Variants in DCDC1 observed in about 807,000 individuals in gnomAD.
The protein encoded by DCDC1 is doublecortin domain containing 1.
Under a neutral mutation model 178.3 loss-of-function variants are expected in DCDC1, and 200 were observed. The observed-to-expected ratio is 1.12, with a 90% CI of 1.00 to 1.26. DCDC1 has a LOEUF of 1.26. Among genes scored for constraint, DCDC1 ranks in the 50% most tolerant of loss-of-function variants. DCDC1 has a pLI of 0.00. For synonymous variants in DCDC1, 690 were observed against 604.8 expected (o/e 1.14, Z -2.07); for missense variants, 1,983 against 1,749.2 (o/e 1.13, Z -2.38).
intron 8 of DCDC1, among the ~76,000 whole-genome samples, chr11:31,250,430 G>A (rs7928796): frequency 0.28 from 22,636 of 80,214 alleles, 4,676 homozygotes; most frequent in Non-Finnish European, 0.33. Flanking sequence ...ACATATATAT[G>A]TATATATATA....
intron 7 of DCDC1, among the ~76,000 whole-genome samples, chr11:31,289,645 C>G (rs1031795437): frequency 6.6e-6 from 1 of 151,964 alleles, no homozygotes; most frequent in Non-Finnish European, 1.5e-5. Context: ...AGAAAGAAAA[C>G]TAATTTCTGT....
At chr11:31,089,916 T>C (rs1248685121) in intron 17 of DCDC1, among the ~76,000 whole-genome samples, 5 of 152,162 alleles carry the variant, frequency 3.3e-5, no homozygotes, top group Non-Finnish European at 5.9e-5. Context: ...TTTGGGTCAG[T>C]TACAATTGAT....
chr11:31,138,428 C>T (rs1458805322), intron 9 of DCDC1, among the ~76,000 whole-genome samples: 1 of 152,148 alleles, frequency 6.6e-6, no homozygotes. Flanking sequence ...TATTTTCATG[C>T]TAAACATGCA....
At chr11:30,995,269 A>G (rs943505508) in intron 20 of DCDC1, among the ~76,000 whole-genome samples, 7 of 152,174 alleles carry the variant, frequency 4.6e-5, no homozygotes, top group Admixed American at 3.9e-4. Flanking sequence ...AGATCTAAAT[A>G]AATAAATACA....
intron 3 of DCDC1, among the ~76,000 whole-genome samples, chr11:31,308,551 T>G (rs1214366040): frequency 6.6e-6 from 1 of 152,168 alleles, no homozygotes; most frequent in Non-Finnish European, 1.5e-5. Context: ...ATCCTGGTTT[T>G]GGCACTGAGG....
At chr11:31,155,051 C>T (rs578019604) in intron 9 of DCDC1, among the ~76,000 whole-genome samples, 2 of 152,306 alleles carry the variant, frequency 1.3e-5, no homozygotes, top group South Asian at 2.1e-4. Context: ...TTCTGACTTT[C>T]GGAACCCAAT....
intron 9 of DCDC1, among the ~76,000 whole-genome samples, chr11:31,176,346 G>T (rs943492290): frequency 2.6e-5 from 4 of 152,160 alleles, no homozygotes; most frequent in African/African-American, 9.7e-5. Flanking sequence ...AAATAACTCA[G>T]TCTGAGAAAA....
intron 38 of DCDC1, among the ~76,000 whole-genome samples, chr11:30,871,170 T>C (rs950404278): frequency 1.3e-5 from 2 of 152,102 alleles, no homozygotes; most frequent in African/African-American, 4.8e-5. Context: ...GGAAAAAATA[T>C]AAACAGAAGC....
intron 32 of DCDC1, among the ~76,000 whole-genome samples, chr11:30,901,895 A>G (rs538801483): frequency 3.9e-5 from 6 of 152,250 alleles, no homozygotes; most frequent in Admixed American, 2.6e-4. Flanking sequence ...GTGATAAGTA[A>G]TTTCACTGAA....
chr11:31,108,489 T>C (rs1412283785), intron 12 of DCDC1, among the ~76,000 whole-genome samples: 1 of 152,220 alleles, frequency 6.6e-6, no homozygotes, highest in Non-Finnish European at 1.5e-5. Flanking sequence ...TCAGAAAACA[T>C]GTTATGCTGA....
rs1270247969 is a variant in DCDC1 at position 30,937,330 on chromosome 11, C to T, written c.2716-5378G>A. Among the ~76,000 whole-genome samples, 4 of 152,092 alleles carry T rather than the reference C, an allele frequency of 2.6e-5. No individual in the cohort carries two copies. The South Asian group carries it at 8.3e-4, about 32-fold the overall frequency. ...TAACCCAAAATGTCACTTTTTCTCCCTCAGGTCCCACCTTCAAATTTATCA... is the reference window on the plus strand; with the variant it reads ...TAACCCAAAATGTCACTTTTTCTCCTTCAGGTCCCACCTTCAAATTTATCA... On this transcript the variant is annotated intron_variant, in intron 21 of 38. Transcript: ENST00000684477.
chr11:30,904,884 C>T (rs1944949122), intron 31 of DCDC1, 77 bp downstream of exon 31: 3 of 1,553,984 alleles, frequency 1.9e-6, no homozygotes, highest in Non-Finnish European at 2.7e-6. Flanking sequence ...CTCAATCCCA[C>T]TGCTTTTTCT....
intron 20 of DCDC1, among the ~76,000 whole-genome samples, chr11:31,024,302 T>G (rs986115441): frequency 4.6e-5 from 7 of 151,936 alleles, no homozygotes; most frequent in African/African-American, 1.7e-4. Flanking sequence ...CTGTGGAATA[T>G]CATTCATTCA....
At chr11:31,225,930 A>T (rs1974890937) in intron 9 of DCDC1, among the ~76,000 whole-genome samples, 1 of 151,978 alleles carries the variant, frequency 6.6e-6, no homozygotes, top group African/African-American at 2.4e-5. Context: ...GCTAGGAAGG[A>T]GTATGGTATG....
chr11:31,159,017 CA>C (rs1268917867), intron 9 of DCDC1, among the ~76,000 whole-genome samples: 1 of 151,080 alleles, frequency 6.6e-6, no homozygotes, highest in Non-Finnish European at 1.5e-5. Context: ...AAAAAAAATA[CA>C]AAAAAACCCC....
chr11:30,956,328 G>A (rs540246661), intron 20 of DCDC1, among the ~76,000 whole-genome samples: 16 of 152,210 alleles, frequency 1.1e-4, no homozygotes, highest in African/African-American at 3.6e-4. Flanking sequence ...GAGCCACCAT[G>A]CCCAGCCCAA....
chr11:31,094,197 A>T lies in DCDC1; in HGVS notation c.1984-13T>A. On this transcript the variant is annotated splice_polypyrimidine_tract_variant and intron_variant, in intron 15 of 38. Transcript: ENST00000684477. ...TATTGGGATCTACCTGTATCATAAG[A>T]AGAAGTATGCATTTTTAACTCATAG... 1 of 765,882 alleles carries T rather than the reference A, an allele frequency of 1.3e-6. No individual in the cohort carries two copies. Among genetic ancestry groups the T allele is most frequent in the Non-Finnish European group, 2.4e-6 (1 of 417,604 alleles). 47.4% of individuals were successfully genotyped at this position (765,882 alleles called of 1,614,324 possible).
At chr11:31,256,318 G>A (rs2137030896) in intron 8 of DCDC1, among the ~76,000 whole-genome samples, 1 of 152,252 alleles carries the variant, frequency 6.6e-6, no homozygotes, top group Non-Finnish European at 1.5e-5. Context: ...CCACAAGACT[G>A]TCTTTACTTA....
chr11:31,178,246 A>C (rs1968331194), intron 9 of DCDC1, among the ~76,000 whole-genome samples: 1 of 152,186 alleles, frequency 6.6e-6, no homozygotes, highest in African/African-American at 2.4e-5. Flanking sequence ...ATGCACCCAC[A>C]GTCACGTGAT....
Sources: gnomAD v4.1 joint callset for allele counts (sites outside exome capture counted in the v4.1 genomes callset) on GRCh38, gnomAD v4.1.1 for gene constraint, MANE v1.5 for transcripts, NCBI Gene and HGNC (gene_info 2026-07-23, HGNC 2026-07-21) for gene names.